NF1: variants seen among roughly 807,000 people sequenced by gnomAD.
The protein encoded by NF1 is neurofibromin 1, also known as neurofibromin.
In NF1, 122 loss-of-function variants were observed where a neutral mutation model predicts 325.7. The observed-to-expected ratio is 0.37, with a 90% confidence interval of 0.32 to 0.44. NF1 has a LOEUF of 0.44. Ranked by LOEUF, NF1 falls within the 20% of genes least tolerant of loss-of-function variation. NF1 has a pLI of 1.00. For missense variants in NF1, 2,140 were observed against 3,415.4 expected (o/e 0.63, Z 9.31); for synonymous variants, 1,091 against 1,186.0 (o/e 0.92, Z 1.65).
chr17:31,296,596 C>G, intron 36 of NF1: 1 of 463,774 alleles, frequency 2.2e-6, no homozygotes, highest in East Asian at 4.0e-5. Flanking sequence ...CTCTCCCTCC[C>G]CCCTTTTCTA....
intron 30 of NF1, chr17:31,250,565 T>A: frequency 5.0e-6 from 1 of 200,076 alleles, no homozygotes; most frequent in South Asian, 1.9e-4. Context: ...TTCATGTGGT[T>A]GTCATCCTAA....
At chr17:31,140,145 A>G (rs1423812740) in intron 1 of NF1, among the ~76,000 whole-genome samples, 1 of 152,244 alleles carries the variant, frequency 6.6e-6, no homozygotes. Context: ...TTCTAGCACA[A>G]CAGTGGATAT....
chr17:31,270,966 C>T (rs1264753885), intron 36 of NF1, among the ~76,000 whole-genome samples: 1 of 152,188 alleles, frequency 6.6e-6, no homozygotes, highest in Non-Finnish European at 1.5e-5. Context: ...ATTTAACAGG[C>T]ACTCCAAGTG....
At chr17:31,101,695 A>G (rs566300960) in intron 1 of NF1, among the ~76,000 whole-genome samples, 1 of 151,126 alleles carries the variant, frequency 6.6e-6, no homozygotes, top group Admixed American at 6.6e-5. Context: ...TCCATCCTTC[A>G]ATGTTCAGCT....
At chr17:31,307,893 A>G (rs1246733992) in intron 36 of NF1, 2 of 1,289,070 alleles carry the variant, frequency 1.6e-6, no homozygotes, top group Admixed American at 2.3e-5. Flanking sequence ...TTACCTTTTC[A>G]GCATATCTAA....
At chr17:31,212,412 A>C (rs879218614) in intron 12 of NF1, among the ~76,000 whole-genome samples, 1 of 152,222 alleles carries the variant, frequency 6.6e-6, no homozygotes, top group Admixed American at 6.5e-5. Context: ...TAACAATACA[A>C]AGTATACTAT....
At chr17:31,123,863 T>G (rs1441569784) in intron 1 of NF1, among the ~76,000 whole-genome samples, 2 of 152,220 alleles carry the variant, frequency 1.3e-5, no homozygotes, top group African/African-American at 4.8e-5. Flanking sequence ...TCCTATTCCA[T>G]TTTGTTCTAG....
At chr17:31,188,720 GC>G (rs2066284923) in intron 8 of NF1, among the ~76,000 whole-genome samples, 1 of 152,166 alleles carries the variant, frequency 6.6e-6, no homozygotes, top group Non-Finnish European at 1.5e-5. Context: ...AATCTGGCTG[GC>G]TACCATCTAA....
intron 13 of NF1, 152 bp downstream of exon 13, chr17:31,214,737 C>G: frequency 1.5e-6 from 1 of 647,346 alleles, no homozygotes; most frequent in South Asian, 2.0e-5. Flanking sequence ...TCTAAGAAAA[C>G]TAATGTATAA....
chr17:31,330,275 T>A (rs2069447374), intron 38 of NF1, 21 bp from the exon 39 acceptor site: 1 of 1,610,142 alleles, frequency 6.2e-7, no homozygotes. Flanking sequence ...TTAAAACAAC[T>A]TCATTTGTGT....
chr17:31,340,606 C>T lies in NF1; in HGVS notation c.7023C>T (p.Asn2341=), dbSNP rs1208205873. ...CAGGTACCGCACTTCTTGAACAAAA[C>T]CTGCATACTTTAGATAGTCTCCGTA... ...YSAGTALLEQ[N]LHTLDSLRIF... is the part of the protein sequence containing the mutation. Residue 2341 remains asparagine, a synonymous_variant, in exon 47 of 58, where the codon AAC becomes AAT. Transcript: ENST00000358273. 1.2e-5 allele frequency: 20 copies of T among 1,614,006 alleles called. No homozygotes were observed. Among genetic ancestry groups the T allele is most frequent in the Non-Finnish European group, 1.5e-5 (18 of 1,180,016 alleles).
chr17:31,128,328 G>T (rs1915061340), intron 1 of NF1: 2 of 152,106 alleles, frequency 1.3e-5, no homozygotes, highest in Admixed American at 6.6e-5. Context: ...TACATTCAAG[G>T]TTAGTATTGA....
In NF1 at chr17:31,159,134, G is replaced by A. The variant is rs2952976; in HGVS notation, c.288+41G>A. 0.66 allele frequency: 897,450 copies of A among 1,357,778 alleles called. 303,792 individuals carry two copies. Among genetic ancestry groups the A allele is most frequent in the Middle Eastern group, 0.77 (4,265 of 5,538 alleles). 84.1% of individuals were successfully genotyped at this position (1,357,778 alleles called of 1,614,324 possible). On this transcript the variant is annotated intron_variant, in intron 3 of 57. Transcript: ENST00000358273. ...TTAAGTAGGCAGGCTTTGTGAATTTGATCTTGAGAATGATCTTATGTCCCA... is the reference window on the plus strand; with the variant it reads ...TTAAGTAGGCAGGCTTTGTGAATTTAATCTTGAGAATGATCTTATGTCCCA...
At chr17:31,125,350 C>T (rs1230055729) in intron 1 of NF1, among the ~76,000 whole-genome samples, 1 of 151,654 alleles carries the variant, frequency 6.6e-6, no homozygotes, top group Non-Finnish European at 1.5e-5. Flanking sequence ...TATTGATGCA[C>T]ATTTGGATTG....
rs370273103 is a variant in NF1 at position 31,098,880 on chromosome 17, C to T, written c.60+3511C>T. ...CTGGGAGGTGGAGCTTGCGGTGAGC[C>T]GAGATTGCGCCACTGCACTCCAGCC... On this transcript the variant is annotated intron_variant, in intron 1 of 57. Transcript: ENST00000358273. Among the ~76,000 whole-genome samples, 18 of 141,628 alleles carry T rather than the reference C, an allele frequency of 1.3e-4. No individual in the cohort carries two copies. The East Asian group carries it at 2.3e-3, about 18-fold the overall frequency. 92.9% of individuals were successfully genotyped at this position (141,628 alleles called of 152,430 possible).
intron 36 of NF1, among the ~76,000 whole-genome samples, chr17:31,319,832 G>C (rs921303360): frequency 2.7e-5 from 4 of 150,336 alleles, no homozygotes; most frequent in Non-Finnish European, 5.9e-5. Flanking sequence ...TTCTTTTAAA[G>C]CATCATTTAT....
At chr17:31,163,103 T>C in intron 3 of NF1, 83 bp from the exon 4 acceptor site, 1 of 1,337,810 alleles carries the variant, frequency 7.5e-7, no homozygotes, top group Non-Finnish European at 1.1e-6. Flanking sequence ...TTTTGTTCTG[T>C]GTGTGTGTTT....
At chr17:31,097,184 G>A (rs1232252289) in intron 1 of NF1, among the ~76,000 whole-genome samples, 1 of 151,986 alleles carries the variant, frequency 6.6e-6, no homozygotes, top group African/African-American at 2.4e-5. Flanking sequence ...TGGGCTGGGC[G>A]CGGTGGCTCA....
At chr17:31,227,635 T>G in intron 20 of NF1, 29 bp downstream of exon 20, 5 of 1,562,874 alleles carry the variant, frequency 3.2e-6, no homozygotes, top group Non-Finnish European at 4.4e-6. Context: ...CTTTTGTCTG[T>G]TAACTGATCT....
Sources: allele counts gnomAD v4.1 joint callset (sites outside exome capture counted in the v4.1 genomes callset), GRCh38; gene constraint gnomAD v4.1.1; transcripts MANE v1.5; gene names NCBI Gene and HGNC (gene_info 2026-07-23, HGNC 2026-07-21).